MSI2: variants seen among roughly 807,000 people sequenced by gnomAD.
MSI2 encodes RNA-binding protein Musashi homolog 2.
MSI2 carries 17 observed loss-of-function variants against 45.6 expected under a neutral mutation model. The ratio of observed to expected loss-of-function variants is 0.37; its 90% confidence interval spans 0.26 to 0.56. The LOEUF (loss-of-function observed/expected upper bound fraction) is 0.56. MSI2 is among the 20% of genes least tolerant of loss of function. The probability of loss-of-function intolerance (pLI) is 0.77; values close to 1 mark genes in which losing one functional copy is unlikely to be tolerated. For missense variants in MSI2, 293 were observed against 444.2 expected (o/e 0.66, Z 3.06); for synonymous variants, 156 against 158.2 (o/e 0.99, Z 0.11).
chr17:57,432,473 C>A (rs542774081), intron 6 of MSI2: 1 of 152,480 alleles, frequency 6.6e-6, no homozygotes, highest in African/African-American at 2.4e-5. Context: ...TGAAGGGCTG[C>A]CCTCTCTGGA....
At chr17:57,409,056 A>G (rs1250134853) in intron 6 of MSI2, among the ~76,000 whole-genome samples, 3 of 152,116 alleles carry the variant, frequency 2.0e-5, no homozygotes, top group Non-Finnish European at 4.4e-5. Context: ...CCGTATATTC[A>G]GACTTGGTAT....
intron 6 of MSI2, among the ~76,000 whole-genome samples, chr17:57,505,392 C>T (rs1246410454): frequency 2.0e-5 from 3 of 151,982 alleles, no homozygotes; most frequent in East Asian, 1.9e-4. Flanking sequence ...CACCTGGGGC[C>T]TAGAAAACCC....
intron 11 of MSI2, among the ~76,000 whole-genome samples, chr17:57,657,585 G>A (rs1911693173): frequency 6.6e-6 from 1 of 152,206 alleles, no homozygotes; most frequent in Non-Finnish European, 1.5e-5. Context: ...GTCAGGGGAT[G>A]GAATAAATAG....
intron 5 of MSI2, among the ~76,000 whole-genome samples, chr17:57,368,184 T>G (rs1598177263): frequency 6.6e-6 from 1 of 152,242 alleles, no homozygotes; most frequent in Non-Finnish European, 1.5e-5. Flanking sequence ...GAATTTTTCA[T>G]AGGCTACATG....
At chr17:57,676,032 G>A (rs1913204761) in intron 12 of MSI2, among the ~76,000 whole-genome samples, 1 of 152,216 alleles carries the variant, frequency 6.6e-6, no homozygotes, top group South Asian at 2.1e-4. Context: ...AGGCAGTTTG[G>A]TTTTGAGCTA....
At chr17:57,667,336 G>T (rs568812806) in intron 11 of MSI2, among the ~76,000 whole-genome samples, 1 of 152,268 alleles carries the variant, frequency 6.6e-6, no homozygotes, top group South Asian at 2.1e-4. Context: ...TTTGTCTCCC[G>T]GGTTGGTTTT....
intron 5 of MSI2, among the ~76,000 whole-genome samples, chr17:57,327,771 C>T (rs921324315): frequency 1.4e-4 from 22 of 152,048 alleles, no homozygotes; most frequent in African/African-American, 5.3e-4. Flanking sequence ...CTAGGGAGGC[C>T]CTAGTTTGTG....
intron 6 of MSI2, among the ~76,000 whole-genome samples, chr17:57,497,930 C>A (rs1025430858): frequency 2.6e-5 from 4 of 152,272 alleles, no homozygotes; most frequent in Admixed American, 2.6e-4. Context: ...GTACATTATA[C>A]CCTACTGGGC....
chr17:57,696,374 T>C, the MSI2 span, among the ~76,000 whole-genome samples: 1 of 152,230 alleles, frequency 6.6e-6, no homozygotes, highest in Non-Finnish European at 1.5e-5. Flanking sequence ...TATTGAGTAC[T>C]TATTATGTAA....
intron 5 of MSI2, among the ~76,000 whole-genome samples, chr17:57,291,992 T>G (rs1598080473): frequency 1.3e-5 from 2 of 152,030 alleles, no homozygotes; most frequent in Non-Finnish European, 1.5e-5. Context: ...GGCAGAGTGC[T>G]GTGCTGGAGA....
Position 57,529,865 on chromosome 17 carries a change from T to C in MSI2, c.454+141T>C. ...GGTGACCATCCATTGAAGATCTTTA[T>C]TCACGGAGAGTCCCAGTAGCACAAA... On this transcript the variant is annotated intron_variant, in intron 7 of 13. Coordinates refer to ENST00000284073, the MANE Select transcript of MSI2 (RefSeq NM_138962.4). This position sits in a 1 kb window ranked among gnomAD's most constrained non-coding sequence, Gnocchi z 5.3. The C allele has an allele frequency of 1.5e-6, 1 of 665,000 alleles. No individual in the cohort carries two copies. Among genetic ancestry groups the C allele is most frequent in the Non-Finnish European group, 2.5e-6 (1 of 395,310 alleles). 41.2% of individuals were successfully genotyped at this position (665,000 alleles called of 1,614,324 possible).
At chr17:57,324,041 G>T (rs1231457225) in intron 5 of MSI2, among the ~76,000 whole-genome samples, 1 of 152,224 alleles carries the variant, frequency 6.6e-6, no homozygotes, top group Non-Finnish European at 1.5e-5. Flanking sequence ...AGGTGTGGTG[G>T]CCCATGCCTG....
chr17:57,343,554 G>A (rs1332596814), intron 5 of MSI2, among the ~76,000 whole-genome samples: 1 of 151,990 alleles, frequency 6.6e-6, no homozygotes, highest in Non-Finnish European at 1.5e-5. Flanking sequence ...TTCCTAATGG[G>A]GATATTCCCT....
At chr17:57,475,248 C>T (rs1177699601) in intron 6 of MSI2, among the ~76,000 whole-genome samples, 1 of 152,192 alleles carries the variant, frequency 6.6e-6, no homozygotes, top group Non-Finnish European at 1.5e-5. Context: ...TCCCTGTTCT[C>T]ACAGAGGTCC....
intron 6 of MSI2, among the ~76,000 whole-genome samples, chr17:57,419,308 C>G (rs1294685599): frequency 6.6e-6 from 1 of 151,866 alleles, no homozygotes; most frequent in African/African-American, 2.4e-5. Flanking sequence ...GAGTGACCCC[C>G]AAATTGGGCT....
intron 11 of MSI2, among the ~76,000 whole-genome samples, chr17:57,669,188 G>T (rs1365278938): frequency 6.6e-6 from 1 of 152,222 alleles, no homozygotes; most frequent in Non-Finnish European, 1.5e-5. Flanking sequence ...TTTACAGTGG[G>T]CACTGCTTTC....
rs1047009682 is a variant in MSI2 at position 57,280,763 on chromosome 17, T to C, written c.312+18571T>C. 7.9e-5 allele frequency among the ~76,000 whole-genome samples: 12 copies of C among 152,236 alleles called. No individual in the cohort carries two copies. Among genetic ancestry groups the C allele is most frequent in the African/African-American group, 2.4e-4 (10 of 41,540 alleles). On this transcript the variant is annotated intron_variant, in intron 5 of 13. Coordinates refer to ENST00000284073, the MANE Select transcript of MSI2 (RefSeq NM_138962.4). This position sits in a 1 kb window ranked among gnomAD's most constrained non-coding sequence, Gnocchi z 4.2. ...AAATGACATACATATACTTCTGTAC[T>C]AAAATAGCATGCTCCTAATAAGGCA...
chr17:57,602,202 A>AT (rs112698079), intron 8 of MSI2, among the ~76,000 whole-genome samples: 162 of 150,256 alleles, frequency 1.1e-3, no homozygotes, highest in African/African-American at 2.9e-3. Flanking sequence ...ACATTATGAG[A>AT]TTTTTTTTTT....
chr17:57,700,963 T>C, the MSI2 span, among the ~76,000 whole-genome samples: 1 of 151,846 alleles, frequency 6.6e-6, no homozygotes, highest in South Asian at 2.1e-4. Flanking sequence ...GAGAATTTGG[T>C]CTTTGCTAAC....
Sources: allele counts gnomAD v4.1 joint callset (sites outside exome capture counted in the v4.1 genomes callset), GRCh38; gene constraint gnomAD v4.1.1; non-coding constraint Gnocchi (gnomAD v3.1); transcripts MANE v1.5; gene names NCBI Gene and HGNC (gene_info 2026-07-23, HGNC 2026-07-21).